Variants in MTMR10 observed in about 807,000 individuals in gnomAD.
The protein encoded by MTMR10 is myotubularin related protein 10, also known as myotubularin-related protein 10.
A neutral mutation model predicts 88.1 loss-of-function variants in MTMR10; 56 were observed. That is an observed-to-expected ratio of 0.64 (90% CI 0.51 to 0.79). The LOEUF is 0.79. Among genes scored for constraint, MTMR10 ranks in the 30% least tolerant of loss-of-function variants. MTMR10 has a pLI of 0.00. For synonymous variants in MTMR10, 380 were observed against 340.9 expected (o/e 1.11, Z -1.26); for missense variants, 883 against 924.7 (o/e 0.95, Z 0.58).
At chr15:30,949,776 T>C (rs1456302738) in intron 12 of MTMR10, 1 of 152,104 alleles carries the variant, frequency 6.6e-6, no homozygotes, top group Non-Finnish European at 1.5e-5. Context: ...TGGAATACAA[T>C]TCAGAAATAA....
intron 6 of MTMR10, among the ~76,000 whole-genome samples, chr15:30,966,996 C>T (rs1319575553): frequency 1.3e-5 from 2 of 151,514 alleles, no homozygotes; most frequent in Admixed American, 1.3e-4. Flanking sequence ...TATAGTGTTG[C>T]TGGAATATAC....
chr15:30,946,640 C>CAAA, intron 14 of MTMR10: 1 of 672,724 alleles, frequency 1.5e-6, no homozygotes, highest in Non-Finnish European at 2.7e-6. Context: ...GGTGAAATGG[C>CAAA]ACTTTGGTTC....
At position 30,953,583 on chromosome 15, in the gene MTMR10, G is replaced by T; in HGVS notation, c.1115C>A (p.Thr372Asn). The T allele has an allele frequency of 6.5e-7, 1 of 1,545,810 alleles. No individual in the cohort carries two copies. The highest frequency in any genetic ancestry group is 8.8e-7 in the Non-Finnish European group (1 of 1,141,328). Residue 372 changes from threonine to asparagine, a missense_variant, in exon 11 of 16, where the codon ACT becomes AAT. Transcript: ENST00000435680. ...AAACCTTACATATTCTAACCATCGA[G>T]TATTTTCCAGTGAAGATAACCATTT... ...EEKWLSSLEN[T>N]RWLEYVRAFL... is the part of the protein sequence containing the mutation.
chr15:30,966,346 GTAAC>G (rs2063472111), intron 6 of MTMR10, among the ~76,000 whole-genome samples: 1 of 152,194 alleles, frequency 6.6e-6, no homozygotes, highest in African/African-American at 2.4e-5. Flanking sequence ...AATGTGGAAA[GTAAC>G]TGAAGCAGGC....
downstream of MTMR10, among the ~76,000 whole-genome samples, chr15:30,934,925 A>C (rs1245789718): frequency 6.6e-6 from 1 of 152,142 alleles, no homozygotes; most frequent in Admixed American, 6.5e-5. Context: ...TGCTTTCTAC[A>C]GTTGATTAAT....
In MTMR10 at chr15:30,960,927, C is replaced by A; in HGVS notation, c.712G>T (p.Gly238Trp). Residue 238 changes from glycine (G) to tryptophan (W), a missense_variant, in exon 7 of 16, where the codon GGG becomes TGG. Transcript: ENST00000435680. ...DREIKRTGAS[G>W]WRVCSINEGY... ...TCGTTAATAGAACAAACTCTCCACC[C>A]GGAAGCACCTGTCCTCTTGATTTCT... 6.2e-7 allele frequency: 1 copy of A among 1,612,546 alleles called. No individual in the cohort carries two copies. Among genetic ancestry groups the A allele is most frequent in the Non-Finnish European group, 8.5e-7 (1 of 1,179,090 alleles).
At chr15:30,955,297 G>A (rs1454006008) in intron 9 of MTMR10, among the ~76,000 whole-genome samples, 2 of 152,202 alleles carry the variant, frequency 1.3e-5, no homozygotes, top group African/African-American at 4.8e-5. Context: ...TTGAGACGGA[G>A]TCTCATACTG....
At chr15:30,943,291 C>T (rs2063112267) in intron 14 of MTMR10, 5 of 985,218 alleles carry the variant, frequency 5.1e-6, no homozygotes, top group Admixed American at 1.2e-4. Context: ...TTTTCAGGTG[C>T]CCTCTGCCTT....
the MTMR10 span, chr15:30,928,691 T>C: frequency 6.2e-7 from 1 of 1,613,048 alleles, no homozygotes; most frequent in South Asian, 1.1e-5. Flanking sequence ...AGTAGGTCCT[T>C]CTGCACACAT....
the MTMR10 span, among the ~76,000 whole-genome samples, chr15:30,933,822 G>A: frequency 6.6e-6 from 1 of 151,630 alleles, no homozygotes; most frequent in Non-Finnish European, 1.5e-5. Flanking sequence ...TAGTGGCAGT[G>A]CGATCCTGGA....
chr15:30,942,057 T>A lies in MTMR10; in HGVS notation c.1747A>T (p.Thr583Ser). Reference sequence around the variant, plus strand: ...AAGGCAGACGGCATTCCTCTTAGTGTGGAGCTGTAGCTTTTCTATACAGAA... The same window carrying A: ...AAGGCAGACGGCATTCCTCTTAGTGAGGAGCTGTAGCTTTTCTATACAGAA... ...FKRTKKSYSS[T>S]LRGMPSALKN... Residue 583 changes from threonine (T) to serine (S), a missense_variant, in exon 16 of 16, where the codon ACA becomes TCA. By Grantham distance (58) the Thr-to-Ser change is moderately conservative. Transcript: ENST00000435680. The A allele has an allele frequency of 6.2e-7, 1 of 1,613,670 alleles. No homozygotes were observed. Among genetic ancestry groups the A allele is most frequent in the Non-Finnish European group, 8.5e-7 (1 of 1,179,686 alleles).
At chr15:30,969,368 A>G (rs1035224574) in intron 5 of MTMR10, among the ~76,000 whole-genome samples, 2 of 152,122 alleles carry the variant, frequency 1.3e-5, no homozygotes, top group Admixed American at 6.6e-5. Context: ...GGAGCCGGTT[A>G]TCTATATTCC....
chr15:30,970,217 G>A (rs979082764), intron 5 of MTMR10, among the ~76,000 whole-genome samples: 5 of 152,110 alleles, frequency 3.3e-5, no homozygotes, highest in Non-Finnish European at 7.4e-5. Flanking sequence ...CCCTAGAGAT[G>A]CAGTGAACAA....
chr15:30,923,424 TA>T, the MTMR10 span, among the ~76,000 whole-genome samples: 1 of 152,290 alleles, frequency 6.6e-6, no homozygotes, highest in African/African-American at 2.4e-5. Flanking sequence ...ACAGTTCTGC[TA>T]GGGGGTAGAC....
downstream of MTMR10, among the ~76,000 whole-genome samples, chr15:30,938,582 G>A (rs2062934085): frequency 6.6e-6 from 1 of 152,134 alleles, no homozygotes; most frequent in Non-Finnish European, 1.5e-5. Flanking sequence ...TCTCAGGCTG[G>A]GCAAGGGGGT....
rs999976177 is a variant in MTMR10, at chr15:30,976,438, C to CA, written c.258+380dup. Among the ~76,000 whole-genome samples, 132 of 152,038 alleles carry CA rather than the reference C, an allele frequency of 8.7e-4. 1 individual carries two copies. The highest frequency in any genetic ancestry group is 3.0e-3 in the African/African-American group (123 of 41,498). On this transcript the variant is annotated intron_variant, in intron 3 of 15. Transcript: ENST00000435680. ...AACAAAAAAATCAAAAACCCAACAA[C>CA]AAAAAAACCTATGAAATCACTAAAA...
chr15:30,931,381 C>T, the MTMR10 span, among the ~76,000 whole-genome samples: 1 of 152,048 alleles, frequency 6.6e-6, no homozygotes. Context: ...TATGGCTTGT[C>T]TTTTCATTTT....
At chr15:30,928,408 G>A in the MTMR10 span, 130 of 1,479,618 alleles carry the variant, frequency 8.8e-5, no homozygotes, top group Non-Finnish European at 1.1e-4. Context: ...CGTGAAAACA[G>A]CATTTGCTTC....
At position 30,940,198 on chromosome 15, in the gene MTMR10, C is replaced by T. The variant is rs2062992553; in HGVS notation, c.*1272G>A. 7 of 985,260 alleles carry T rather than the reference C, an allele frequency of 7.1e-6. No individual in the cohort carries two copies. Among genetic ancestry groups the T allele is most frequent in the Middle Eastern group, 1.0e-3 (2 of 1,912 alleles). 61.0% of individuals were successfully genotyped at this position (985,260 alleles called of 1,614,324 possible). On this transcript the variant is annotated 3_prime_UTR_variant, in exon 16 of 16. Transcript: ENST00000435680. ...AATGAGGAGTGTGGGGGAGGTGGTGCCCCGTTTCACTGCTGTAAGAAGCTT... is the reference window on the plus strand; with the variant it reads ...AATGAGGAGTGTGGGGGAGGTGGTGTCCCGTTTCACTGCTGTAAGAAGCTT...
Sources: allele counts gnomAD v4.1 joint callset (sites outside exome capture counted in the v4.1 genomes callset), GRCh38; gene constraint gnomAD v4.1.1; transcripts MANE v1.5; gene names NCBI Gene and HGNC (gene_info 2026-07-23, HGNC 2026-07-21).